The following CCSER1 variants were observed in gnomAD, a reference collection of about 807,000 sequenced individuals.
CCSER1 encodes the protein serine-rich coiled-coil domain-containing protein 1.
A neutral mutation model predicts 82.0 loss-of-function variants in CCSER1; 41 were observed. The ratio of observed to expected loss-of-function variants is 0.50; its 90% CI spans 0.39 to 0.65. CCSER1 has a LOEUF of 0.65. Ranked by LOEUF, CCSER1 falls within the 30% of genes least tolerant of loss-of-function variation. CCSER1 has a pLI of 0.00. For missense variants in CCSER1, 1,119 were observed against 1,064.2 expected, an observed-to-expected ratio of 1.05 and a Z score of -0.72; for synonymous variants, 414 against 383.9, an observed-to-expected ratio of 1.08 and a Z score of -0.92.
At chr4:91,125,797 C>T (rs549985778) in intron 10 of CCSER1, among the ~76,000 whole-genome samples, 1 of 151,088 alleles carries the variant, frequency 6.6e-6, no homozygotes, top group African/African-American at 2.4e-5. Flanking sequence ...TTTAAAACTA[C>T]CAACATAAAC....
At chr4:91,419,097 G>A (rs1753550569) in intron 10 of CCSER1, among the ~76,000 whole-genome samples, 3 of 151,794 alleles carry the variant, frequency 2.0e-5, no homozygotes, top group Non-Finnish European at 2.9e-5. Context: ...CATAATGAGT[G>A]GTCATATAAA....
chr4:90,732,047 C>CTT (rs1477748782), intron 7 of CCSER1, among the ~76,000 whole-genome samples: 17 of 150,982 alleles, frequency 1.1e-4, no homozygotes, highest in Non-Finnish European at 2.1e-4. Context: ...CTCTCTCTCT[C>CTT]TCTCTCTCTC....
intron 10 of CCSER1, among the ~76,000 whole-genome samples, chr4:91,422,832 G>T (rs943440110): frequency 2.0e-5 from 3 of 152,130 alleles, no homozygotes; most frequent in African/African-American, 7.2e-5. Context: ...TATAGCTCAA[G>T]TTCTATAACA....
At chr4:90,208,159 G>C (rs1316849236) in intron 1 of CCSER1, among the ~76,000 whole-genome samples, 1 of 152,180 alleles carries the variant, frequency 6.6e-6, no homozygotes, top group Non-Finnish European at 1.5e-5. Flanking sequence ...ATAAGTCCCT[G>C]ACTGGGGCTG....
chr4:90,623,126 C>T (rs191642567), intron 5 of CCSER1, among the ~76,000 whole-genome samples: 1,548 of 148,532 alleles, frequency 0.01, 12 homozygotes, highest in Admixed American at 0.016. Context: ...CCCCCAGGTT[C>T]ACGCCATTCT....
chr4:90,431,835 C>G (rs1280182277), intron 4 of CCSER1, among the ~76,000 whole-genome samples: 2 of 152,046 alleles, frequency 1.3e-5, no homozygotes, highest in Non-Finnish European at 2.9e-5. Context: ...AATGACCATT[C>G]CCACCTCCTC....
chr4:90,684,361 T>G (rs930146525), intron 6 of CCSER1, among the ~76,000 whole-genome samples: 1 of 152,204 alleles, frequency 6.6e-6, no homozygotes, highest in Non-Finnish European at 1.5e-5. Flanking sequence ...TCAAATGGCA[T>G]AACTAGTATA....
intron 10 of CCSER1, chr4:91,325,187 T>C (rs1441558982): frequency 2.0e-5 from 9 of 456,176 alleles, no homozygotes; most frequent in South Asian, 1.2e-4. Flanking sequence ...TTCACCAGCA[T>C]AGTAGGTGGC....
chr4:90,314,074 A>C (rs1320115831), intron 3 of CCSER1, among the ~76,000 whole-genome samples: 1 of 152,210 alleles, frequency 6.6e-6, no homozygotes, highest in East Asian at 1.9e-4. Context: ...GTGTGATAGC[A>C]AAATCACTGT....
chr4:90,416,482 C>T (rs563484422), intron 4 of CCSER1, among the ~76,000 whole-genome samples: 6 of 152,284 alleles, frequency 3.9e-5, no homozygotes, highest in African/African-American at 1.4e-4. Flanking sequence ...TCAGTTTCCT[C>T]ATTTGTAAAA....
intron 10 of CCSER1, among the ~76,000 whole-genome samples, chr4:91,362,817 C>T (rs1303888638): frequency 1.3e-5 from 2 of 151,742 alleles, no homozygotes; most frequent in African/African-American, 4.8e-5. Context: ...AAAGCTCATC[C>T]TGTTTCTCTT....
chr4:90,974,859 C>T (rs1474164213), intron 9 of CCSER1, among the ~76,000 whole-genome samples: 1 of 151,394 alleles, frequency 6.6e-6, no homozygotes, highest in African/African-American at 2.4e-5. Flanking sequence ...ACCAGTTCCA[C>T]ACTTCAGTGT....
intron 7 of CCSER1, among the ~76,000 whole-genome samples, chr4:90,777,309 G>A (rs1753044698): frequency 7.6e-6 from 1 of 131,286 alleles, no homozygotes; most frequent in Non-Finnish European, 1.6e-5. Context: ...GTAAGCTGAG[G>A]TAGTGCCATT....
intron 10 of CCSER1, among the ~76,000 whole-genome samples, chr4:91,380,140 A>G (rs1377584631): frequency 6.6e-6 from 1 of 152,054 alleles, no homozygotes; most frequent in Non-Finnish European, 1.5e-5. Flanking sequence ...GTTCTTTTAC[A>G]TTTGCTGAGG....
At chr4:91,546,507 G>T (rs900945087) in intron 10 of CCSER1, among the ~76,000 whole-genome samples, 17 of 151,938 alleles carry the variant, frequency 1.1e-4, no homozygotes, top group African/African-American at 3.1e-4. Context: ...TTTCATCCAG[G>T]TTATCAAATA....
intron 10 of CCSER1, among the ~76,000 whole-genome samples, chr4:91,366,263 C>G (rs527996642): frequency 1.3e-5 from 2 of 152,168 alleles, no homozygotes; most frequent in African/African-American, 4.8e-5. Context: ...TCAGGTGGTC[C>G]ATCCGCCTCG....
intron 10 of CCSER1, among the ~76,000 whole-genome samples, chr4:91,415,872 T>G (rs1026564276): frequency 2.0e-5 from 3 of 152,106 alleles, no homozygotes; most frequent in African/African-American, 7.2e-5. Flanking sequence ...GAAGTTTTAT[T>G]ATTTTTTTGT....
At position 91,069,794 on chromosome 4, in the gene CCSER1, G is replaced by A. The variant is rs186833396; in HGVS notation, c.2173-16156G>A. The stretch of plus-strand genomic sequence containing the variant: ...GCAAAGGGATAACCCTATGACCTTG[G>A]GAAGGTTGTGGGGAGAGATCATTAA... On this transcript the variant is annotated intron_variant, in intron 9 of 10. Transcript: ENST00000509176. Among the ~76,000 whole-genome samples the A allele has an allele frequency of 3.6e-3, 552 of 152,238 alleles. 2 individuals carry two copies. The highest frequency in any genetic ancestry group is 5.5e-3 in the Non-Finnish European group (375 of 68,024).
chr4:91,366,639 C>A (rs527515947), intron 10 of CCSER1, among the ~76,000 whole-genome samples: 2 of 152,304 alleles, frequency 1.3e-5, no homozygotes, highest in South Asian at 4.1e-4. Context: ...ACAGAGCTAG[C>A]ATGCTACAGC....
Sources: allele counts gnomAD v4.1 joint callset (sites outside exome capture counted in the v4.1 genomes callset), GRCh38; gene constraint gnomAD v4.1.1; transcripts MANE v1.5; gene names NCBI Gene and HGNC (gene_info 2026-07-23, HGNC 2026-07-21).